Variants in ATP8B4 observed in about 807,000 individuals in gnomAD.
ATP8B4 encodes probable phospholipid-transporting ATPase IM.
In ATP8B4, 133 loss-of-function variants were observed where a neutral mutation model predicts 145.6. That is an observed-to-expected ratio of 0.91 (90% CI 0.79 to 1.05). The LOEUF is 1.05. Ranked by LOEUF, ATP8B4 falls within the 50% of genes least tolerant of loss-of-function variation. The pLI is 0.00. For synonymous variants in ATP8B4, 507 were observed against 492.9 expected, an observed-to-expected ratio of 1.03 and a Z score of -0.38; for missense variants, 1,458 against 1,425.2, an observed-to-expected ratio of 1.02 and a Z score of -0.37.
At chr15:50,166,609 A>AG (rs973650232) in intron 1 of ATP8B4, among the ~76,000 whole-genome samples, 1 of 152,194 alleles carries the variant, frequency 6.6e-6, no homozygotes, top group African/African-American at 2.4e-5. Flanking sequence ...GACCAGGACC[A>AG]TGCATCTTAC....
chr15:49,977,067 C>A (rs1181812248), intron 12 of ATP8B4, among the ~76,000 whole-genome samples: 1 of 152,098 alleles, frequency 6.6e-6, no homozygotes, highest in East Asian at 1.9e-4. Context: ...AACAAACTGA[C>A]AACATAGAAA....
At chr15:50,176,101 T>C (rs755625994) in intron 1 of ATP8B4, among the ~76,000 whole-genome samples, 27 of 150,876 alleles carry the variant, frequency 1.8e-4, no homozygotes, top group African/African-American at 5.4e-4. Flanking sequence ...ATATATAGTG[T>C]GTATATATAT....
chr15:50,029,453 A>G (rs11070742), intron 6 of ATP8B4, among the ~76,000 whole-genome samples: 6,041 of 152,084 alleles, frequency 0.04, 388 homozygotes, highest in East Asian at 0.32. Context: ...CCACCTGCAC[A>G]TAAGCTTCTT....
chr15:50,072,960 CT>C (rs1665488217), intron 3 of ATP8B4, among the ~76,000 whole-genome samples: 1 of 33,306 alleles, frequency 3.0e-5, no homozygotes, highest in Non-Finnish European at 5.3e-5. Flanking sequence ...CTCTCTCTCT[CT>C]CTCTCTCTCT....
At chr15:50,036,414 G>C (rs961691786) in intron 6 of ATP8B4, among the ~76,000 whole-genome samples, 1 of 152,174 alleles carries the variant, frequency 6.6e-6, no homozygotes, top group Non-Finnish European at 1.5e-5. Context: ...TGAAGAAAGC[G>C]GCAGGTGCAA....
chr15:50,070,289 T>C (rs938481200), intron 3 of ATP8B4, among the ~76,000 whole-genome samples: 3 of 151,998 alleles, frequency 2.0e-5, no homozygotes, highest in African/African-American at 7.2e-5. Context: ...CTTAAAAGGA[T>C]ATTCCGTTTA....
rs765658038 is a variant in ATP8B4, at chr15:49,876,295, T to C, written c.3010A>G (p.Ile1004Val). ...AGCGTTACCTGCACACTGACCACAA[T>C]GACCAAAGATGTGGCCATGGTAACT... Reference protein sequence around the residue: ...FAVTMATSLVIVVSVQIALDT... With the variant: ...FAVTMATSLVVVVSVQIALDT... Residue 1004 changes from isoleucine to valine, a missense_variant, in exon 25 of 28, where the codon ATT becomes GTT. Coordinates refer to ENST00000284509, the MANE Select transcript of ATP8B4 (RefSeq NM_024837.4). 1 of 1,614,058 alleles carries C rather than the reference T, an allele frequency of 6.2e-7. No homozygotes were observed. The highest frequency in any genetic ancestry group is 2.2e-5 in the East Asian group (1 of 44,850).
At chr15:50,027,643 T>C (rs2050112467) in intron 6 of ATP8B4, among the ~76,000 whole-genome samples, 1 of 152,170 alleles carries the variant, frequency 6.6e-6, no homozygotes, top group Non-Finnish European at 1.5e-5. Flanking sequence ...TCTTTCCCCC[T>C]GCAACTCCAT....
chr15:50,163,032 T>C (rs192063088), intron 1 of ATP8B4, among the ~76,000 whole-genome samples: 1 of 152,368 alleles, frequency 6.6e-6, no homozygotes, highest in African/African-American at 2.4e-5. Context: ...CCCTGTGTTA[T>C]CTTGAATTCC....
At chr15:49,879,268 C>A in intron 24 of ATP8B4, 108 bp downstream of exon 24, 1 of 988,816 alleles carries the variant, frequency 1.0e-6, no homozygotes, top group South Asian at 1.7e-5. Context: ...ACTAAAACAA[C>A]TGCATTCCTA....
intron 1 of ATP8B4, among the ~76,000 whole-genome samples, chr15:50,160,038 T>TTTTTTTTTTG (rs2044492829): frequency 1.4e-5 from 2 of 143,558 alleles, no homozygotes; most frequent in Non-Finnish European, 3.0e-5. Flanking sequence ...TTTTTTTTTT[T>TTTTTTTTTTG]GCTGGGAGAC....
At position 49,925,964 on chromosome 15, in the gene ATP8B4, C is replaced by G. The variant is rs2040679607; in HGVS notation, c.1643-2470G>C. On this transcript the variant is annotated intron_variant, in intron 16 of 27. Coordinates refer to ENST00000284509, the MANE Select transcript of ATP8B4 (RefSeq NM_024837.4). The stretch of plus-strand genomic sequence containing the variant: ...ATGGCCAGAACTTGGACAAAGGTTA[C>G]AGTTTTTAGGTTATAAAATCTTCTC... Among the ~76,000 whole-genome samples the G allele has an allele frequency of 2.0e-5, 3 of 152,112 alleles. No individual in the cohort carries two copies. The South Asian group carries it at 6.2e-4, about 32-fold the overall frequency.
chr15:50,116,413 G>T (rs1290767050), intron 1 of ATP8B4, among the ~76,000 whole-genome samples: 1 of 152,016 alleles, frequency 6.6e-6, no homozygotes, highest in Non-Finnish European at 1.5e-5. Context: ...GAAGGTGGAG[G>T]GGCAGAAGAA....
Position 50,042,154 on chromosome 15 carries a change from T to TAA in ATP8B4, c.300+2438_300+2439dup, listed in dbSNP as rs34554435. Reference sequence around the variant, plus strand: ...TGGGTGACAGAGTGAGACTCTGTCTTAAAAAAAAAAAAAAAAACTAACTAA... The same window carrying TAA: ...TGGGTGACAGAGTGAGACTCTGTCTTAAAAAAAAAAAAAAAAAAACTAACTAA... On this transcript the variant is annotated intron_variant, in intron 5 of 27. Transcript: ENST00000284509. Among the ~76,000 whole-genome samples the TAA allele has an allele frequency of 6.7e-4, 90 of 134,866 alleles. 1 individual carries two copies. The highest frequency in any genetic ancestry group is 5.6e-3 in the East Asian group (26 of 4,646). The allele number at this position is 134,866 out of a possible 152,430, so 88.5% of individuals were successfully genotyped here. A position where few individuals can be genotyped will look rare whatever the true frequency, so the allele number is the denominator to read the frequency against.
chr15:49,996,755 T>C lies in ATP8B4; in HGVS notation c.511A>G (p.Thr171Ala), dbSNP rs1289339541. 1 of 1,608,728 alleles carries C rather than the reference T, an allele frequency of 6.2e-7. No homozygotes were observed. Among genetic ancestry groups the C allele is most frequent in the East Asian group, 2.2e-5 (1 of 44,608 alleles). The change falls in exon 9 of 28, where the codon ACG (threonine) becomes GCG (alanine). Residue 171 changes from threonine to alanine, a missense_variant. By Grantham distance (58) the Thr-to-Ala change is moderately conservative (BLOSUM62 0). Transcript: ENST00000284509. ...AGTGCATGGCGGACTTTTAGGTTCG[T>C]TTCCCTGTGAAATTATTGACATGAC... is the stretch of plus-strand genomic sequence containing the variant. ...YVETAELDGE[T>A]NLKVRHALSV...
intron 2 of ATP8B4, among the ~76,000 whole-genome samples, chr15:50,104,452 T>C (rs138404700): frequency 1.6e-4 from 24 of 152,208 alleles, no homozygotes; most frequent in African/African-American, 5.3e-4. Context: ...AAAGAGGATA[T>C]ACAAATGGCC....
chr15:50,038,110 G>C (rs1367657078), intron 6 of ATP8B4, among the ~76,000 whole-genome samples: 1 of 151,996 alleles, frequency 6.6e-6, no homozygotes, highest in African/African-American at 2.4e-5. Flanking sequence ...AAAAAAATAA[G>C]GGGGGGACAG....
At chr15:49,976,900 C>T (rs2045716060) in intron 12 of ATP8B4, among the ~76,000 whole-genome samples, 1 of 152,134 alleles carries the variant, frequency 6.6e-6, no homozygotes, top group Admixed American at 6.6e-5. Context: ...CTTATAATTT[C>T]ACCCAGTCTC....
intron 17 of ATP8B4, 111 bp from the exon 18 acceptor site, chr15:49,920,521 A>G: frequency 1.1e-5 from 14 of 1,220,440 alleles, no homozygotes; most frequent in Non-Finnish European, 1.1e-6. Context: ...TTTTGTACCA[A>G]GAGCACTGCT....
Sources: gnomAD v4.1 joint callset for allele counts (sites outside exome capture counted in the v4.1 genomes callset) on GRCh38, gnomAD v4.1.1 for gene constraint, MANE v1.5 for transcripts, NCBI Gene and HGNC (gene_info 2026-07-23, HGNC 2026-07-21) for gene names.